LRRC8C: variants seen among roughly 807,000 people sequenced by gnomAD.
LRRC8C encodes the protein volume-regulated anion channel subunit LRRC8C.
LRRC8C carries 20 observed loss-of-function variants against 55.3 expected under a neutral mutation model. The observed-to-expected ratio is 0.36, with a 90% CI of 0.25 to 0.53. The LOEUF (loss-of-function observed/expected upper bound fraction) is 0.53, where lower values mean the gene tolerates loss of function less well. LRRC8C is among the 20% of genes least tolerant of loss of function. The pLI is 0.92. For missense variants in LRRC8C, 659 were observed against 951.4 expected (o/e 0.69, Z 4.04); for synonymous variants, 376 against 360.7 (o/e 1.04, Z -0.48).
intron 1 of LRRC8C, among the ~76,000 whole-genome samples, chr1:89,681,101 G>A (rs767812219): frequency 5.3e-5 from 8 of 152,208 alleles, no homozygotes; most frequent in South Asian, 2.1e-4. Context: ...AAATTATGCT[G>A]ATTGATCTTT....
At chr1:89,674,575 A>G (rs1014169791) in intron 1 of LRRC8C, among the ~76,000 whole-genome samples, 2 of 152,210 alleles carry the variant, frequency 1.3e-5, no homozygotes, top group Non-Finnish European at 2.9e-5. Flanking sequence ...GTACATTCTT[A>G]TCAGTTTTAA....
intron 1 of LRRC8C, chr1:89,668,039 G>T (rs1232924437): frequency 1.3e-5 from 2 of 152,600 alleles, no homozygotes; most frequent in African/African-American, 2.4e-5. Context: ...GAAAGGAAAT[G>T]ATAAATGTCA....
At chr1:89,627,823 A>T in the LRRC8C span, among the ~76,000 whole-genome samples, 7 of 152,334 alleles carry the variant, frequency 4.6e-5, no homozygotes, top group African/African-American at 1.7e-4. Flanking sequence ...TGGTGAATAA[A>T]TGAGACAATG....
At chr1:89,694,128 G>T (rs903771098) in intron 2 of LRRC8C, among the ~76,000 whole-genome samples, 2 of 151,958 alleles carry the variant, frequency 1.3e-5, no homozygotes, top group African/African-American at 4.8e-5. Flanking sequence ...CAAAACCTCT[G>T]TTACATCTAG....
At chr1:89,627,278 T>C in the LRRC8C span, among the ~76,000 whole-genome samples, 1 of 151,390 alleles carries the variant, frequency 6.6e-6, no homozygotes, top group African/African-American at 2.4e-5. Context: ...CCAATATATA[T>C]ATATATTTCT....
chr1:89,686,442 G>T, intron 1 of LRRC8C, 28 bp from the exon 2 acceptor site: 1 of 1,612,648 alleles, frequency 6.2e-7, no homozygotes, highest in South Asian at 1.1e-5. Context: ...AAGATAAATT[G>T]ATTTACAAGT....
intron 1 of LRRC8C, among the ~76,000 whole-genome samples, chr1:89,664,401 C>T (rs1557653549): frequency 6.6e-6 from 1 of 152,152 alleles, no homozygotes. Context: ...AATAGGGAAC[C>T]CTTTCCCCAT....
chr1:89,656,771 T>C (rs1324294585), intron 1 of LRRC8C, among the ~76,000 whole-genome samples: 2 of 152,212 alleles, frequency 1.3e-5, no homozygotes. Context: ...GAACATACAG[T>C]AAATTGGATT....
At chr1:89,688,078 C>T (rs944694332) in intron 2 of LRRC8C, among the ~76,000 whole-genome samples, 1 of 152,154 alleles carries the variant, frequency 6.6e-6, no homozygotes, top group African/African-American at 2.4e-5. Context: ...GTTAACGATC[C>T]TCCCAAGGTG....
chr1:89,689,865 C>G (rs545066498), intron 2 of LRRC8C, among the ~76,000 whole-genome samples: 5 of 151,706 alleles, frequency 3.3e-5, no homozygotes, highest in Non-Finnish European at 7.4e-5. Context: ...CGCCTGAACC[C>G]GGGAGGCAAA....
chr1:89,637,070 G>A (rs1431949002), intron 1 of LRRC8C, among the ~76,000 whole-genome samples: 1 of 152,006 alleles, frequency 6.6e-6, no homozygotes, highest in African/African-American at 2.4e-5. Context: ...GAGGCTTCTC[G>A]ACTGGTTTAA....
At chr1:89,648,248 A>G (rs1656666976) in intron 1 of LRRC8C, among the ~76,000 whole-genome samples, 1 of 152,242 alleles carries the variant, frequency 6.6e-6, no homozygotes, top group African/African-American at 2.4e-5. Flanking sequence ...CCTGCTTAAA[A>G]TTAATTATCT....
At chr1:89,631,711 C>T (rs140931713), upstream of LRRC8C, 11 of 151,832 alleles carry the variant, frequency 7.2e-5, no homozygotes, top group African/African-American at 2.4e-4. Flanking sequence ...AAATTTTTGT[C>T]TTGTTGTAGG....
chr1:89,642,943 T>G (rs7511926), intron 1 of LRRC8C, among the ~76,000 whole-genome samples: 147,830 of 149,714 alleles, frequency 0.99, 72,997 homozygotes, highest in Middle Eastern at 1. Context: ...ACTTGAACCT[T>G]GGAGGTGGAG....
chr1:89,653,377 T>C (rs1433527860), intron 1 of LRRC8C, among the ~76,000 whole-genome samples: 1 of 152,238 alleles, frequency 6.6e-6, no homozygotes, highest in African/African-American at 2.4e-5. Context: ...CAAATGTCTT[T>C]AATGTCTGGC....
intron 1 of LRRC8C, among the ~76,000 whole-genome samples, chr1:89,638,642 C>A (rs1656361485): frequency 6.6e-6 from 1 of 151,994 alleles, no homozygotes; most frequent in African/African-American, 2.4e-5. Context: ...AATTAAATTA[C>A]TTTTTTTGCA....
intron 2 of LRRC8C, among the ~76,000 whole-genome samples, chr1:89,696,544 C>A (rs957023464): frequency 1.3e-5 from 2 of 152,116 alleles, no homozygotes; most frequent in African/African-American, 4.8e-5. Flanking sequence ...ATTATTGATT[C>A]TTCCTAAAGG....
intron 2 of LRRC8C, among the ~76,000 whole-genome samples, chr1:89,709,763 T>G (rs1658594324): frequency 6.6e-6 from 1 of 151,196 alleles, no homozygotes; most frequent in Non-Finnish European, 1.5e-5. Flanking sequence ...TTGTTTTTTT[T>G]TTGTTTGAGA....
At chr1:89,663,463 G>A (rs1224422619) in intron 1 of LRRC8C, among the ~76,000 whole-genome samples, 3 of 152,024 alleles carry the variant, frequency 2.0e-5, no homozygotes, top group East Asian at 1.9e-4. Flanking sequence ...CTAGCTACTC[G>A]GGAGGCTGAG....
Sources: allele counts gnomAD v4.1 joint callset (sites outside exome capture counted in the v4.1 genomes callset), GRCh38; gene constraint gnomAD v4.1.1; transcripts MANE v1.5; gene names NCBI Gene and HGNC (gene_info 2026-07-23, HGNC 2026-07-21).